HCN1: variants seen among roughly 807,000 people sequenced by gnomAD.
HCN1 encodes the protein hyperpolarization activated cyclic nucleotide gated potassium channel 1.
A neutral mutation model predicts 78.9 loss-of-function variants in HCN1; 13 were observed. The observed-to-expected ratio is 0.16, with a 90% CI of 0.11 to 0.26. The LOEUF is 0.26. Among genes scored for constraint, HCN1 ranks in the 10% least tolerant of loss-of-function variants. The pLI is 1.00. For missense variants in HCN1, 810 were observed against 1,154.3 expected, an observed-to-expected ratio of 0.70 and a Z score of 4.32; for synonymous variants, 552 against 455.5, an observed-to-expected ratio of 1.21 and a Z score of -2.70.
intron 3 of HCN1, among the ~76,000 whole-genome samples, chr5:45,444,465 T>A (rs1740743981): frequency 6.6e-6 from 1 of 152,150 alleles, no homozygotes; most frequent in South Asian, 2.1e-4. Context: ...CTTTATGTAG[T>A]TAAAATGAGC....
At chr5:45,325,063 G>A (rs1746209059) in intron 5 of HCN1, among the ~76,000 whole-genome samples, 1 of 151,578 alleles carries the variant, frequency 6.6e-6, no homozygotes, top group Admixed American at 6.6e-5. Flanking sequence ...ATCTGGAGCA[G>A]GAACAGAATG....
intron 2 of HCN1, among the ~76,000 whole-genome samples, chr5:45,471,289 T>A (rs967662697): frequency 6.6e-6 from 1 of 151,896 alleles, no homozygotes. Context: ...TGACTTTAAA[T>A]TAAAATTCCT....
intron 3 of HCN1, among the ~76,000 whole-genome samples, chr5:45,461,197 T>C (rs1353093734): frequency 2.0e-5 from 3 of 152,002 alleles, no homozygotes; most frequent in Non-Finnish European, 4.4e-5. Flanking sequence ...TTTGTGAGTG[T>C]TGAGTGTTGC....
At chr5:45,277,777 G>C (rs1745093704) in intron 6 of HCN1, among the ~76,000 whole-genome samples, 1 of 152,126 alleles carries the variant, frequency 6.6e-6, no homozygotes, top group Non-Finnish European at 1.5e-5. Flanking sequence ...CAACGATCTG[G>C]CTGGAGAACT....
At chr5:45,664,685 A>G (rs1745997808) in intron 1 of HCN1, among the ~76,000 whole-genome samples, 1 of 151,954 alleles carries the variant, frequency 6.6e-6, no homozygotes, top group African/African-American at 2.4e-5. Flanking sequence ...GCAGCCAAAA[A>G]ACACATGAAA....
chr5:45,645,649 T>C, intron 1 of HCN1, 41 bp from the exon 2 acceptor site: 1 of 1,338,550 alleles, frequency 7.5e-7, no homozygotes, highest in Non-Finnish European at 1.0e-6. Flanking sequence ...ATATAGAAAA[T>C]AACCAGCCTA....
rs549610862 is a variant in HCN1, at chr5:45,347,246, C to G, written c.1377+5854G>C. 1.7e-3 allele frequency among the ~76,000 whole-genome samples: 266 copies of G among 152,186 alleles called. 2 individuals are homozygous for G. The highest frequency in any genetic ancestry group is 2.9e-3 in the Non-Finnish European group (195 of 68,038). ...TTCTGCAGCCACCGCTGCTGATACCCAGGCAAACAAGGTCTGGAATGGACC... is the reference window on the plus strand; with the variant it reads ...TTCTGCAGCCACCGCTGCTGATACCGAGGCAAACAAGGTCTGGAATGGACC... On this transcript the variant is annotated intron_variant, in intron 5 of 7. Transcript: ENST00000303230.
chr5:45,362,528 T>A (rs548010923), intron 4 of HCN1, among the ~76,000 whole-genome samples: 1 of 152,138 alleles, frequency 6.6e-6, no homozygotes, highest in Non-Finnish European at 1.5e-5. Context: ...CTCTTTCACC[T>A]GTATTTGAAT....
At chr5:45,333,180 T>C (rs989637863) in intron 5 of HCN1, among the ~76,000 whole-genome samples, 1 of 151,770 alleles carries the variant, frequency 6.6e-6, no homozygotes, top group South Asian at 2.1e-4. Context: ...ATATAAGTAT[T>C]TTAACTTGGG....
rs1262689931 is a variant in HCN1, at chr5:45,664,397, T to C, written c.426-18789A>G. Among the ~76,000 whole-genome samples, 5 of 144,624 alleles carry C rather than the reference T, an allele frequency of 3.5e-5. No homozygotes were observed. The East Asian group carries it at 1.0e-3, about 29-fold the overall frequency. The allele number at this position is 144,624 out of a possible 152,430, so 94.9% of individuals were successfully genotyped here. On this transcript the variant is annotated intron_variant, in intron 1 of 7. Coordinates refer to ENST00000303230, the MANE Select transcript of HCN1 (RefSeq NM_021072.4). The stretch of plus-strand genomic sequence containing the variant: ...GGGTGCAGCGCACCAGCATGGCACA[T>C]GTATACATATGTAACTAACCTGCAC...
At chr5:45,495,273 C>G (rs1384906830) in intron 2 of HCN1, among the ~76,000 whole-genome samples, 1 of 116,498 alleles carries the variant, frequency 8.6e-6, no homozygotes, top group East Asian at 2.4e-4. Flanking sequence ...TCTTTTATTT[C>G]CTTGAGCAGT....
At chr5:45,635,147 C>T (rs1321160462) in intron 2 of HCN1, among the ~76,000 whole-genome samples, 1 of 152,072 alleles carries the variant, frequency 6.6e-6, no homozygotes, top group Non-Finnish European at 1.5e-5. Flanking sequence ...ATTAACTTGA[C>T]AAGCTAATTA....
At chr5:45,496,013 C>T (rs982892314) in intron 2 of HCN1, among the ~76,000 whole-genome samples, 2 of 152,106 alleles carry the variant, frequency 1.3e-5, no homozygotes, top group East Asian at 1.9e-4. Context: ...TAGTATTTTA[C>T]TGAGGATTTT....
chr5:45,469,673 T>A (rs1269866088), intron 2 of HCN1, among the ~76,000 whole-genome samples: 2 of 151,980 alleles, frequency 1.3e-5, no homozygotes, highest in African/African-American at 4.8e-5. Flanking sequence ...CTAAAATTTA[T>A]CCTGAGAATT....
chr5:45,432,094 G>T (rs1260300701), intron 3 of HCN1, among the ~76,000 whole-genome samples: 1 of 151,998 alleles, frequency 6.6e-6, no homozygotes, highest in African/African-American at 2.4e-5. Context: ...ATTTGTCGCT[G>T]TCATCTCTGA....
intron 2 of HCN1, among the ~76,000 whole-genome samples, chr5:45,519,570 T>C (rs1742575321): frequency 6.6e-6 from 1 of 151,992 alleles, no homozygotes; most frequent in Non-Finnish European, 1.5e-5. Flanking sequence ...ACTAACATGT[T>C]TTCCCCCTCA....
chr5:45,372,273 A>T (rs1207999635), intron 4 of HCN1, among the ~76,000 whole-genome samples: 5 of 89,412 alleles, frequency 5.6e-5, no homozygotes, highest in Non-Finnish European at 7.8e-5. Flanking sequence ...ATATATATTT[A>T]TATATATAAT....
chr5:45,596,166 G>C (rs1561214299), intron 2 of HCN1, among the ~76,000 whole-genome samples: 1 of 152,028 alleles, frequency 6.6e-6, no homozygotes. Context: ...CCAAAGTGCT[G>C]GGATTACAGG....
intron 3 of HCN1, among the ~76,000 whole-genome samples, chr5:45,443,927 G>T (rs1015898679): frequency 6.6e-6 from 1 of 151,990 alleles, no homozygotes; most frequent in Non-Finnish European, 1.5e-5. Context: ...TTCAGTCAAG[G>T]ATTTCATCAT....
Sources: gnomAD v4.1 joint callset for allele counts (sites outside exome capture counted in the v4.1 genomes callset) on GRCh38, gnomAD v4.1.1 for gene constraint, MANE v1.5 for transcripts, NCBI Gene and HGNC (gene_info 2026-07-23, HGNC 2026-07-21) for gene names.